Variants in LRRC4C observed in about 807,000 individuals in gnomAD.
LRRC4C encodes the protein leucine rich repeat containing 4C, also known as leucine-rich repeat-containing protein 4C.
A neutral mutation model predicts 33.6 loss-of-function variants in LRRC4C; 5 were observed. The observed-to-expected ratio is 0.15, with a 90% CI of 0.08 to 0.31. LRRC4C has a LOEUF of 0.31. LRRC4C is among the 10% of genes least tolerant of loss of function. The pLI, the probability that LRRC4C is intolerant of heterozygous loss-of-function variation, is 1.00. For synonymous variants in LRRC4C, 329 were observed against 302.0 expected (o/e 1.09, Z -0.93); for missense variants, 560 against 796.7 (o/e 0.70, Z 3.58).
At chr11:40,571,314 T>C (rs1043604298) in intron 3 of LRRC4C, among the ~76,000 whole-genome samples, 4 of 152,080 alleles carry the variant, frequency 2.6e-5, no homozygotes, top group Non-Finnish European at 4.4e-5. Context: ...TGCCCACCGA[T>C]GTTAATTTTT....
chr11:40,201,149 G>T (rs902909671), intron 5 of LRRC4C, among the ~76,000 whole-genome samples: 1 of 152,162 alleles, frequency 6.6e-6, no homozygotes, highest in South Asian at 2.1e-4. Context: ...CTGCAGGCAC[G>T]CAAGGCAGAA....
intron 1 of LRRC4C, among the ~76,000 whole-genome samples, chr11:41,353,604 T>C (rs1008977689): frequency 5.9e-5 from 9 of 152,070 alleles, no homozygotes; most frequent in African/African-American, 2.2e-4. Context: ...CTGATGAACA[T>C]AGATGCAAAA....
At chr11:40,176,223 T>C (rs891661343) in intron 5 of LRRC4C, among the ~76,000 whole-genome samples, 7 of 152,098 alleles carry the variant, frequency 4.6e-5, no homozygotes, top group African/African-American at 1.4e-4. Flanking sequence ...GTATGTCAAG[T>C]GGTATAATAA....
intron 1 of LRRC4C, among the ~76,000 whole-genome samples, chr11:41,189,393 G>T (rs766888104): frequency 1.3e-5 from 2 of 152,064 alleles, no homozygotes; most frequent in Admixed American, 6.6e-5. Flanking sequence ...CGGATTATGT[G>T]ATCCAAGAGA....
chr11:40,377,051 A>C (rs2137308831), intron 3 of LRRC4C, among the ~76,000 whole-genome samples: 1 of 152,234 alleles, frequency 6.6e-6, no homozygotes, highest in East Asian at 1.9e-4. Flanking sequence ...AATCTTCACC[A>C]TGTGTTTAAT....
chr11:41,200,254 T>C (rs890609101), intron 1 of LRRC4C, among the ~76,000 whole-genome samples: 3 of 152,156 alleles, frequency 2.0e-5, no homozygotes, highest in Non-Finnish European at 1.5e-5. Flanking sequence ...AGGTTCTAAA[T>C]ACTTTTTTGA....
At chr11:41,028,211 C>T (rs958709995) in intron 1 of LRRC4C, among the ~76,000 whole-genome samples, 3 of 151,096 alleles carry the variant, frequency 2.0e-5, no homozygotes, top group Admixed American at 6.6e-5. Context: ...TATTTAAATG[C>T]TAACTAACCT....
intron 1 of LRRC4C, among the ~76,000 whole-genome samples, chr11:41,024,801 T>C (rs755998475): frequency 6.6e-6 from 1 of 151,774 alleles, no homozygotes; most frequent in South Asian, 2.1e-4. Context: ...TTTTTACATA[T>C]GGAAAGTCTA....
intron 1 of LRRC4C, among the ~76,000 whole-genome samples, chr11:41,203,752 C>G (rs1338634980): frequency 1.3e-5 from 2 of 152,124 alleles, no homozygotes; most frequent in Non-Finnish European, 1.5e-5. Flanking sequence ...AATATATAGA[C>G]AGTCTTTAGA....
intron 2 of LRRC4C, among the ~76,000 whole-genome samples, chr11:40,823,277 T>C (rs1952018606): frequency 6.6e-6 from 1 of 151,630 alleles, no homozygotes; most frequent in Non-Finnish European, 1.5e-5. Flanking sequence ...TGGGTGAATG[T>C]CCTTAGTTAG....
At chr11:40,174,679 A>G (rs1018679786) in intron 5 of LRRC4C, among the ~76,000 whole-genome samples, 1 of 152,228 alleles carries the variant, frequency 6.6e-6, no homozygotes, top group Non-Finnish European at 1.5e-5. Context: ...TAACCATAGC[A>G]GCAGTGTGGA....
At chr11:40,926,956 T>C (rs1957429427) in intron 2 of LRRC4C, among the ~76,000 whole-genome samples, 1 of 152,190 alleles carries the variant, frequency 6.6e-6, no homozygotes. Context: ...GGGACTTATA[T>C]TTATTTCCTG....
intron 1 of LRRC4C, among the ~76,000 whole-genome samples, chr11:41,382,371 A>G (rs1028963280): frequency 1.3e-5 from 2 of 152,124 alleles, no homozygotes; most frequent in African/African-American, 2.4e-5. Context: ...GCATTTGAAA[A>G]TAAGAGTGAG....
intron 3 of LRRC4C, among the ~76,000 whole-genome samples, chr11:40,510,750 G>A (rs1955273375): frequency 6.6e-6 from 1 of 152,068 alleles, no homozygotes; most frequent in East Asian, 1.9e-4. Flanking sequence ...GATATACATG[G>A]GAAAACCATT....
chr11:41,419,723 C>G (rs1459908417), intron 1 of LRRC4C, among the ~76,000 whole-genome samples: 1 of 151,908 alleles, frequency 6.6e-6, no homozygotes, highest in Non-Finnish European at 1.5e-5. Context: ...TCTCCATAAA[C>G]CACTGTTATT....
intron 2 of LRRC4C, among the ~76,000 whole-genome samples, chr11:40,704,352 C>A (rs193105057): frequency 2.8e-4 from 43 of 152,110 alleles, no homozygotes; most frequent in Non-Finnish European, 5.1e-4. Flanking sequence ...AATGAGAGAC[C>A]TGCAAAACAA....
intron 1 of LRRC4C, among the ~76,000 whole-genome samples, chr11:41,086,762 C>A (rs1940020580): frequency 6.6e-6 from 1 of 151,958 alleles, no homozygotes. Flanking sequence ...AAAAGACTAA[C>A]TTTATAAGAT....
chr11:40,118,480 A>G (rs990415169), intron 6 of LRRC4C, among the ~76,000 whole-genome samples: 1 of 152,178 alleles, frequency 6.6e-6, no homozygotes, highest in Non-Finnish European at 1.5e-5. Flanking sequence ...TTGCTATGAC[A>G]GAAGTCCACA....
At chr11:40,123,201 C>A (rs1189660059) in intron 6 of LRRC4C, among the ~76,000 whole-genome samples, 3 of 151,984 alleles carry the variant, frequency 2.0e-5, no homozygotes, top group Non-Finnish European at 4.4e-5. Context: ...CATGGCTGTG[C>A]TCCAATAATA....
Sources: allele counts gnomAD v4.1 joint callset (sites outside exome capture counted in the v4.1 genomes callset), GRCh38; gene constraint gnomAD v4.1.1; transcripts MANE v1.5; gene names NCBI Gene and HGNC (gene_info 2026-07-23, HGNC 2026-07-21).